SLC2A5: variants seen among roughly 807,000 people sequenced by gnomAD.
The protein encoded by SLC2A5 is solute carrier family 2, facilitated glucose transporter member 5.
Under a neutral mutation model 50.3 loss-of-function variants are expected in SLC2A5, and 56 were observed. The observed-to-expected ratio is 1.11, with a 90% confidence interval of 0.90 to 1.39. The LOEUF is 1.39. Ranked by LOEUF, SLC2A5 falls within the 40% of genes most tolerant of loss-of-function variation. The probability of loss-of-function intolerance (pLI) is 0.00; values close to 1 mark genes in which losing one functional copy is unlikely to be tolerated. For missense variants in SLC2A5, 566 were observed against 650.1 expected (o/e 0.87, Z 1.41); for synonymous variants, 269 against 281.9 (o/e 0.95, Z 0.46).
the SLC2A5 span, among the ~76,000 whole-genome samples, chr1:9,093,781 G>T: frequency 6.6e-6 from 1 of 152,012 alleles, no homozygotes; most frequent in Non-Finnish European, 1.5e-5. Flanking sequence ...CGGAGACCTG[G>T]ATGTGCTTAC....
At chr1:9,079,394 G>A (rs1417053954) in intron 2 of SLC2A5, among the ~76,000 whole-genome samples, 1 of 152,192 alleles carries the variant, frequency 6.6e-6, no homozygotes, top group Non-Finnish European at 1.5e-5. Flanking sequence ...CAGAAGACGT[G>A]AAAGCCGGAG....
chr1:9,072,796 C>CAAAAAAAA (rs59542603), upstream of SLC2A5, among the ~76,000 whole-genome samples: 5,702 of 123,422 alleles, frequency 0.046, 100 homozygotes, highest in Middle Eastern at 0.14. Flanking sequence ...CTAAAAATGC[C>CAAAAAAAA]AAAAAAAAAA....
At chr1:9,066,301 T>C (rs1422631905) in intron 1 of SLC2A5, among the ~76,000 whole-genome samples, 1 of 152,078 alleles carries the variant, frequency 6.6e-6, no homozygotes, top group Non-Finnish European at 1.5e-5. Context: ...AGTGGCACTA[T>C]CTCTGCTCAC....
chr1:9,070,379 C>T (rs1235901106), upstream of SLC2A5, among the ~76,000 whole-genome samples: 7 of 152,266 alleles, frequency 4.6e-5, no homozygotes, highest in Admixed American at 2.6e-4. Flanking sequence ...TCGTGTCCGG[C>T]CTCTTATTTT....
chr1:9,075,282 A>G (rs1315620655), intron 2 of SLC2A5, among the ~76,000 whole-genome samples: 1 of 152,110 alleles, frequency 6.6e-6, no homozygotes, highest in Non-Finnish European at 1.5e-5. Flanking sequence ...GTTTCACATC[A>G]AACACCTCAA....
chr1:9,045,849 G>A, intron 4 of SLC2A5, among the ~76,000 whole-genome samples: 1 of 128,128 alleles, frequency 7.8e-6, no homozygotes, highest in African/African-American at 2.9e-5. Flanking sequence ...CAGCCTGGGT[G>A]ACAAGAGGGA....
At chr1:9,071,241 C>T (rs1356704297), upstream of SLC2A5, among the ~76,000 whole-genome samples, 1 of 152,170 alleles carries the variant, frequency 6.6e-6, no homozygotes, top group Non-Finnish European at 1.5e-5. Flanking sequence ...GAAACCCTGT[C>T]TTTACCGAAA....
At chr1:9,038,738 T>C in intron 9 of SLC2A5, 90 bp downstream of exon 9, 1 of 1,479,472 alleles carries the variant, frequency 6.8e-7, no homozygotes, top group Non-Finnish European at 9.0e-7. Context: ...GTGACCCCTT[T>C]TATTTTAAGG....
At chr1:9,064,882 G>A (rs1238923477) in intron 1 of SLC2A5, among the ~76,000 whole-genome samples, 2 of 151,880 alleles carry the variant, frequency 1.3e-5, no homozygotes, top group African/African-American at 2.4e-5. Flanking sequence ...GTGAAACCCC[G>A]TCTCTACTAA....
At chr1:9,090,211 T>C (rs867586420), upstream of SLC2A5, among the ~76,000 whole-genome samples, 20 of 152,094 alleles carry the variant, frequency 1.3e-4, no homozygotes, top group African/African-American at 4.8e-4. Flanking sequence ...TATATATTAT[T>C]ATGTCAAGAA....
intron 1 of SLC2A5, among the ~76,000 whole-genome samples, chr1:9,063,721 G>A (rs1157198674): frequency 2.3e-5 from 2 of 85,838 alleles, no homozygotes; most frequent in Non-Finnish European, 4.0e-5. Flanking sequence ...TTGAGACGGA[G>A]TCTTCGCTCT....
At chr1:9,043,312 T>A (rs886387024) in intron 4 of SLC2A5, among the ~76,000 whole-genome samples, 1 of 152,176 alleles carries the variant, frequency 6.6e-6, no homozygotes, top group African/African-American at 2.4e-5. Context: ...GTTTGGCAAT[T>A]CTACCCACAG....
In SLC2A5 at chr1:9,062,099, C is replaced by A. The variant is rs114543872; in HGVS notation, c.34-3849G>T. On this transcript the variant is annotated intron_variant, in intron 1 of 11. Coordinates refer to ENST00000377424, the MANE Select transcript of SLC2A5 (RefSeq NM_003039.3). ...TTATTCTAGGTGGGTTCTCGCTAACCCTGCCGGTCCAGCCAACTTCATTAA... is the reference window on the plus strand; with the variant it reads ...TTATTCTAGGTGGGTTCTCGCTAACACTGCCGGTCCAGCCAACTTCATTAA... Among the ~76,000 whole-genome samples, 1,417 of 152,192 alleles carry A rather than the reference C, an allele frequency of 9.3e-3. 27 individuals are homozygous for A. Among genetic ancestry groups the A allele is most frequent in the African/African-American group, 0.032 (1,324 of 41,516 alleles).
At chr1:9,038,121 G>C in intron 10 of SLC2A5, 97 bp from the exon 11 acceptor site, 3 of 1,428,190 alleles carry the variant, frequency 2.1e-6, no homozygotes, top group Non-Finnish European at 2.9e-6. Context: ...CCCCAGGACA[G>C]AGGCGTCTCC....
chr1:9,041,487 G>T lies in SLC2A5; in HGVS notation c.571+298C>A, dbSNP rs568748547. On this transcript the variant is annotated intron_variant, in intron 5 of 11. Transcript: ENST00000377424. ...GCACACTGGTGGCTGTCATTGCTAT[G>T]CCACGGGCCTCCATATGGACAGCTG... 2.1e-5 allele frequency: 28 copies of T among 1,311,394 alleles called. No individual in the cohort carries two copies. The African/African-American group carries it at 3.1e-4, about 15-fold the overall frequency. The allele number at this position is 1,311,394 out of a possible 1,614,324, so 81.2% of individuals were successfully genotyped here.
At chr1:9,066,052 G>T (rs1705297) in intron 1 of SLC2A5, among the ~76,000 whole-genome samples, 66,990 of 151,814 alleles carry the variant, frequency 0.44, 15,361 homozygotes, top group East Asian at 0.66. Flanking sequence ...GTTACAAATG[G>T]GTTAATTAAT....
chr1:9,042,945 A>G (rs1010905027), intron 4 of SLC2A5, among the ~76,000 whole-genome samples: 8 of 152,216 alleles, frequency 5.3e-5, no homozygotes, highest in Non-Finnish European at 7.3e-5. Context: ...AAATATTCCC[A>G]TCATACTTGA....
At chr1:9,074,857 C>G (rs1642262642) in intron 2 of SLC2A5, among the ~76,000 whole-genome samples, 1 of 151,954 alleles carries the variant, frequency 6.6e-6, no homozygotes, top group Non-Finnish European at 1.5e-5. Flanking sequence ...GACCTTATCT[C>G]TACAAATAAT....
intron 1 of SLC2A5, among the ~76,000 whole-genome samples, chr1:9,066,546 T>C (rs1019611123): frequency 6.6e-6 from 1 of 152,238 alleles, no homozygotes; most frequent in Admixed American, 6.5e-5. Flanking sequence ...TCAATTCTTA[T>C]GTAGTTGTAA....
Sources: gnomAD v4.1 joint callset for allele counts (sites outside exome capture counted in the v4.1 genomes callset) on GRCh38, gnomAD v4.1.1 for gene constraint, MANE v1.5 for transcripts, NCBI Gene and HGNC (gene_info 2026-07-23, HGNC 2026-07-21) for gene names.